RBFOX3: variants seen among roughly 807,000 people sequenced by gnomAD.
The protein encoded by RBFOX3 is RNA binding fox-1 homolog 3.
Under a neutral mutation model 48.7 loss-of-function variants are expected in RBFOX3, and 17 were observed. The ratio of observed to expected loss-of-function variants is 0.35; its 90% confidence interval spans 0.24 to 0.52. The LOEUF is 0.52. Among genes scored for constraint, RBFOX3 ranks in the 20% least tolerant of loss-of-function variants. RBFOX3 has a pLI of 0.94. For missense variants in RBFOX3, 382 were observed against 497.5 expected (o/e 0.77, Z 2.21); for synonymous variants, 212 against 209.5 (o/e 1.01, Z -0.10).
chr17:79,319,405 C>T (rs1275906279), intron 2 of RBFOX3, among the ~76,000 whole-genome samples: 1 of 152,212 alleles, frequency 6.6e-6, no homozygotes, highest in Non-Finnish European at 1.5e-5. Flanking sequence ...CCAGGAGGTC[C>T]CACTTGGGCT....
At chr17:79,126,286 C>T (rs2037250644) in intron 4 of RBFOX3, among the ~76,000 whole-genome samples, 1 of 152,242 alleles carries the variant, frequency 6.6e-6, no homozygotes, top group South Asian at 2.1e-4. Context: ...CGGATGTCCA[C>T]TTCCAGAGTC....
At chr17:79,606,227 G>T (rs1377834472) in intron 1 of RBFOX3, among the ~76,000 whole-genome samples, 1 of 152,206 alleles carries the variant, frequency 6.6e-6, no homozygotes, top group African/African-American at 2.4e-5. Context: ...TAAGGGCCAG[G>T]ATCAGAGGCC....
chr17:79,154,770 G>A (rs1428209149), intron 4 of RBFOX3, among the ~76,000 whole-genome samples: 1 of 152,244 alleles, frequency 6.6e-6, no homozygotes, highest in African/African-American at 2.4e-5. Context: ...TCTGAGGAAG[G>A]GGAGGCTGTG....
the RBFOX3 span, among the ~76,000 whole-genome samples, chr17:79,639,035 G>T: frequency 2.6e-5 from 4 of 151,974 alleles, no homozygotes; most frequent in Non-Finnish European, 5.9e-5. Flanking sequence ...ACTCAACAAA[G>T]AAAAGCCCTG....
chr17:79,367,488 C>A (rs192217577), intron 2 of RBFOX3, among the ~76,000 whole-genome samples: 1 of 152,108 alleles, frequency 6.6e-6, no homozygotes, highest in East Asian at 1.9e-4. Flanking sequence ...CAGCAGTTAG[C>A]GATGAGCACT....
chr17:79,501,623 C>T (rs916879309), intron 1 of RBFOX3, among the ~76,000 whole-genome samples: 7 of 152,214 alleles, frequency 4.6e-5, no homozygotes, highest in South Asian at 2.1e-4. Flanking sequence ...CTGTGGCAGA[C>T]GCCATGCCAA....
Position 79,476,448 on chromosome 17 carries a change from A to G in RBFOX3, c.-175+6006T>C, listed in dbSNP as rs1043260697. On this transcript the variant is annotated intron_variant, in intron 2 of 14. Transcript: ENST00000693108. ...CAACAAGTATAGGGCAAAGAAAAGG[A>G]TAGAGGCAAAGCCAAAAGCAGATGG... is the stretch of plus-strand genomic sequence containing the variant. Among the ~76,000 whole-genome samples the G allele has an allele frequency of 2.6e-5, 4 of 152,224 alleles. No homozygotes were observed. The South Asian group carries it at 8.3e-4, about 32-fold the overall frequency.
chr17:79,282,412 G>A (rs1047377452), intron 3 of RBFOX3, among the ~76,000 whole-genome samples: 9 of 152,312 alleles, frequency 5.9e-5, no homozygotes, highest in Admixed American at 2.0e-4. Context: ...TTCTGCTCTC[G>A]GGAGCTTAAT....
At chr17:79,219,211 C>T (rs879974) in intron 4 of RBFOX3, among the ~76,000 whole-genome samples, 22,823 of 152,210 alleles carry the variant, frequency 0.15, 2,163 homozygotes, top group East Asian at 0.21. Context: ...AAGGGGTACC[C>T]GGATGTGGGG....
chr17:79,193,945 A>T (rs9896478), intron 4 of RBFOX3, among the ~76,000 whole-genome samples: 1 of 151,808 alleles, frequency 6.6e-6, no homozygotes, highest in Non-Finnish European at 1.5e-5. Flanking sequence ...AGGAGGTGGG[A>T]GTGGGAGAGC....
At position 79,418,849 on chromosome 17, in the gene RBFOX3, G is replaced by A. The variant is rs1185595222; in HGVS notation, c.-175+63605C>T. 6.6e-6 allele frequency among the ~76,000 whole-genome samples: 1 copy of A among 152,144 alleles called. No individual in the cohort carries two copies. Among genetic ancestry groups the A allele is most frequent in the African/African-American group, 2.4e-5 (1 of 41,438 alleles). On this transcript the variant is annotated intron_variant, in intron 2 of 14. Coordinates refer to ENST00000693108, the MANE Select transcript of RBFOX3 (RefSeq NM_001350451.2). This position sits in a 1 kb window ranked among gnomAD's most constrained non-coding sequence, Gnocchi z 5.0. ...CCTGGTACCAGGCAGTAGGTTTGAG[G>A]AGATGGCACCCTTGTCTGTGCTAGC...
intron 3 of RBFOX3, among the ~76,000 whole-genome samples, chr17:79,246,950 A>G (rs2063256128): frequency 6.6e-6 from 1 of 152,204 alleles, no homozygotes; most frequent in Admixed American, 6.5e-5. Context: ...AGGCAGCTGG[A>G]GAACGCCGGC....
chr17:79,550,559 T>A (rs900763046), intron 1 of RBFOX3, among the ~76,000 whole-genome samples: 30 of 152,290 alleles, frequency 2.0e-4, no homozygotes, highest in African/African-American at 6.7e-4. Context: ...CTATAATCAT[T>A]TACGGAATGA....
At chr17:79,324,933 G>A (rs1000852902) in intron 2 of RBFOX3, among the ~76,000 whole-genome samples, 1 of 152,232 alleles carries the variant, frequency 6.6e-6, no homozygotes, top group Non-Finnish European at 1.5e-5. Flanking sequence ...CCTCTGCCTG[G>A]GATTTTCTTT....
chr17:79,215,322 A>G (rs1015306642), intron 4 of RBFOX3, among the ~76,000 whole-genome samples: 2 of 152,158 alleles, frequency 1.3e-5, no homozygotes, highest in Non-Finnish European at 2.9e-5. Context: ...TCAACCAAAG[A>G]GTCACACTGG....
In RBFOX3 at chr17:79,482,392, G is replaced by C. The variant is rs887712105; in HGVS notation, c.-175+62C>G. The C allele has an allele frequency of 6.6e-6, 1 of 152,206 alleles. No homozygotes were observed. The highest frequency in any genetic ancestry group is 2.4e-5 in the African/African-American group (1 of 41,436). 9.4% of individuals were successfully genotyped at this position (152,206 alleles called of 1,614,324 possible). On this transcript the variant is annotated intron_variant, in intron 2 of 14. Coordinates refer to ENST00000693108, the MANE Select transcript of RBFOX3 (RefSeq NM_001350451.2). The surrounding 1 kb of genome is among the most constrained non-coding windows in gnomAD (Gnocchi z 4.1). ...GAAAATCAAATCACCGCATTAAAACGTATTTCCTCCACAAATGCAAACTCT... is the reference window on the plus strand; with the variant it reads ...GAAAATCAAATCACCGCATTAAAACCTATTTCCTCCACAAATGCAAACTCT...
At chr17:79,097,541 GC>G in intron 10 of RBFOX3, 117 bp from the exon 11 acceptor site, 3 of 500,256 alleles carry the variant, frequency 6.0e-6, no homozygotes, top group Non-Finnish European at 7.1e-6. Flanking sequence ...CCCAAGCCCC[GC>G]CCCCGGAGCG....
the RBFOX3 span, among the ~76,000 whole-genome samples, chr17:79,650,561 A>T: frequency 6.6e-6 from 1 of 152,142 alleles, no homozygotes; most frequent in African/African-American, 2.4e-5. Context: ...CCTGGGGCTC[A>T]GGGATGCCAG....
At chr17:79,545,670 G>A (rs1386943204) in intron 1 of RBFOX3, among the ~76,000 whole-genome samples, 2 of 152,180 alleles carry the variant, frequency 1.3e-5, no homozygotes, top group African/African-American at 4.8e-5. Flanking sequence ...CCCAGGGGAC[G>A]CTGTCCAACC....
Sources: allele counts gnomAD v4.1 joint callset (sites outside exome capture counted in the v4.1 genomes callset), GRCh38; gene constraint gnomAD v4.1.1; non-coding constraint Gnocchi (gnomAD v3.1); transcripts MANE v1.5; gene names NCBI Gene and HGNC (gene_info 2026-07-23, HGNC 2026-07-21).